Variants in CDH13 observed in about 807,000 individuals in gnomAD.
CDH13 encodes cadherin-13.
In CDH13, 24 loss-of-function variants were observed where a neutral mutation model predicts 63.8. That is an observed-to-expected ratio of 0.38 (90% confidence interval 0.27 to 0.53). The LOEUF (loss-of-function observed/expected upper bound fraction) is 0.53, where lower values mean the gene tolerates loss of function less well. Ranked by LOEUF, CDH13 falls within the 20% of genes least tolerant of loss-of-function variation. The pLI is 0.85. For synonymous variants in CDH13, 503 were observed against 355.3 expected (o/e 1.42, Z -4.67); for missense variants, 1,049 against 903.1 (o/e 1.16, Z -2.07).
chr16:83,748,208 G>T lies in CDH13; in HGVS notation c.1639G>T (p.Asp547Tyr). 1.9e-6 allele frequency: 3 copies of T among 1,613,804 alleles called. No homozygotes were observed. The highest frequency in any genetic ancestry group is 4.5e-5 in the East Asian group (2 of 44,882). ...AVLDRESPFV[D>Y]NSVYTALFLA... ...GCTGGACCGTGAGTCCCCATTTGTC[G>T]ACAACAGCGTGTACACTGCTCTCTT... The change falls in exon 11 of 14, where the codon GAC (aspartate) becomes TAC (tyrosine). Residue 547 changes from aspartate to tyrosine, a missense_variant. Asp to Tyr is a radical substitution (Grantham distance 160). Coordinates refer to ENST00000567109, the MANE Select transcript of CDH13 (RefSeq NM_001257.5).
At chr16:83,691,678 C>G (rs1343520484) in intron 10 of CDH13, among the ~76,000 whole-genome samples, 3 of 152,090 alleles carry the variant, frequency 2.0e-5, no homozygotes, top group Admixed American at 6.5e-5. Flanking sequence ...TCAGCATATC[C>G]TGAGTCTATG....
chr16:82,984,025 C>A (rs976689523), intron 2 of CDH13, among the ~76,000 whole-genome samples: 4 of 152,222 alleles, frequency 2.6e-5, no homozygotes, highest in African/African-American at 9.6e-5. Flanking sequence ...GGGAAGCCCA[C>A]AAGACCTTCC....
intron 6 of CDH13, among the ~76,000 whole-genome samples, chr16:83,459,263 A>T (rs947704307): frequency 6.6e-6 from 1 of 152,232 alleles, no homozygotes; most frequent in Admixed American, 6.5e-5. Context: ...CAAGAAACCC[A>T]TGTGGACCAC....
intron 6 of CDH13, among the ~76,000 whole-genome samples, chr16:83,391,866 A>T (rs938541859): frequency 6.6e-6 from 1 of 152,200 alleles, no homozygotes; most frequent in African/African-American, 2.4e-5. Flanking sequence ...TCTGTACGAA[A>T]ATATTTGGGG....
chr16:83,588,288 A>T (rs1039944769), intron 7 of CDH13, among the ~76,000 whole-genome samples: 7 of 152,196 alleles, frequency 4.6e-5, no homozygotes, highest in Admixed American at 4.6e-4. Context: ...AACATTGCCC[A>T]TGCCTGCCTT....
intron 6 of CDH13, among the ~76,000 whole-genome samples, chr16:83,389,131 G>A (rs1007476270): frequency 6.6e-6 from 1 of 152,208 alleles, no homozygotes; most frequent in Middle Eastern, 3.4e-3. Flanking sequence ...GTTCTCAAAC[G>A]GGTATGCATC....
intron 8 of CDH13, among the ~76,000 whole-genome samples, chr16:83,629,758 T>G (rs1189216449): frequency 6.6e-6 from 1 of 152,194 alleles, no homozygotes; most frequent in Non-Finnish European, 1.5e-5. Context: ...TCAAGACTAT[T>G]CAATGAGAGC....
intron 1 of CDH13, among the ~76,000 whole-genome samples, chr16:82,835,986 T>C (rs906487459): frequency 6.6e-6 from 1 of 152,196 alleles, no homozygotes; most frequent in South Asian, 2.1e-4. Context: ...CATGTCAGAA[T>C]TTGCCATGAT....
At position 82,712,327 on chromosome 16, in the gene CDH13, A is replaced by T. The variant is rs117894160; in HGVS notation, c.45+85190A>T. On this transcript the variant is annotated intron_variant, in intron 1 of 13. Coordinates refer to ENST00000567109, the MANE Select transcript of CDH13 (RefSeq NM_001257.5). ...ATTTTATTCTGTCACTTTGAAGCAC[A>T]AACCTCCACAAAGATTTGTATAAAA... 1.7e-3 allele frequency among the ~76,000 whole-genome samples: 259 copies of T among 152,282 alleles called. 1 individual carries two copies. The East Asian group carries it at 0.028, about 16-fold the overall frequency.
At chr16:82,826,995 G>A (rs2038286107) in intron 1 of CDH13, among the ~76,000 whole-genome samples, 1 of 152,184 alleles carries the variant, frequency 6.6e-6, no homozygotes, top group African/African-American at 2.4e-5. Context: ...GGCTTTGGAA[G>A]AATTCATCCA....
chr16:83,080,735 G>C (rs1300843244), intron 3 of CDH13, among the ~76,000 whole-genome samples: 2 of 151,890 alleles, frequency 1.3e-5, no homozygotes, highest in South Asian at 2.1e-4. Context: ...GCGGCAATGG[G>C]GGGTGACTTT....
chr16:83,026,692 G>A (rs8060673), intron 2 of CDH13, among the ~76,000 whole-genome samples: 76,204 of 152,028 alleles, frequency 0.5, 19,130 homozygotes, highest in Non-Finnish European at 0.53. Context: ...CTATGAGGCT[G>A]AAAGGAGGTA....
chr16:83,487,396 C>T (rs192318108), intron 7 of CDH13, among the ~76,000 whole-genome samples: 104 of 152,318 alleles, frequency 6.8e-4, no homozygotes, highest in African/African-American at 2.3e-3. Context: ...TGTGCACTAT[C>T]GGTGGTGTGA....
At chr16:83,693,549 A>C (rs1905095316) in intron 10 of CDH13, among the ~76,000 whole-genome samples, 1 of 152,162 alleles carries the variant, frequency 6.6e-6, no homozygotes, top group South Asian at 2.1e-4. Flanking sequence ...ATTCCTGGTA[A>C]AATCCAAGGG....
intron 6 of CDH13, among the ~76,000 whole-genome samples, chr16:83,375,229 G>C (rs376911633): frequency 4.3e-4 from 66 of 152,314 alleles, no homozygotes; most frequent in African/African-American, 1.6e-3. Flanking sequence ...TACATAGAAG[G>C]TTGGTTAATT....
chr16:83,052,116 A>T (rs966318082), intron 3 of CDH13, among the ~76,000 whole-genome samples: 4 of 152,220 alleles, frequency 2.6e-5, no homozygotes, highest in Non-Finnish European at 5.9e-5. Flanking sequence ...TACTTCATGA[A>T]TGATCCGTAT....
intron 2 of CDH13, among the ~76,000 whole-genome samples, chr16:83,027,443 G>T (rs1466863921): frequency 6.6e-6 from 1 of 152,188 alleles, no homozygotes; most frequent in Admixed American, 6.5e-5. Context: ...GGTGAGAAAT[G>T]CCTTCTGCAG....
intron 5 of CDH13, among the ~76,000 whole-genome samples, chr16:83,222,333 T>C (rs1338558480): frequency 6.6e-6 from 1 of 152,224 alleles, no homozygotes; most frequent in Non-Finnish European, 1.5e-5. Flanking sequence ...TATTTTCTTT[T>C]GTTAATGTGG....
intron 3 of CDH13, among the ~76,000 whole-genome samples, chr16:83,066,597 A>G (rs1193989082): frequency 1.3e-5 from 2 of 152,242 alleles, no homozygotes; most frequent in African/African-American, 4.8e-5. Flanking sequence ...AGGAAACTCA[A>G]AGTCCATATG....
Sources: gnomAD v4.1 joint callset for allele counts (sites outside exome capture counted in the v4.1 genomes callset) on GRCh38, gnomAD v4.1.1 for gene constraint, MANE v1.5 for transcripts, NCBI Gene and HGNC (gene_info 2026-07-23, HGNC 2026-07-21) for gene names.